The following TENM3 variants were observed in gnomAD, a reference collection of about 807,000 sequenced individuals.
TENM3 encodes the protein teneurin-3.
In TENM3, 63 loss-of-function variants were observed where a neutral mutation model predicts 255.1. That is an observed-to-expected ratio of 0.25 (90% CI 0.20 to 0.30). The LOEUF is 0.30. Ranked by LOEUF, TENM3 falls within the 10% of genes least tolerant of loss-of-function variation. The pLI, the probability that TENM3 is intolerant of heterozygous loss-of-function variation, is 1.00. For synonymous variants in TENM3, 1,306 were observed against 1,322.3 expected, an observed-to-expected ratio of 0.99 and a Z score of 0.27; for missense variants, 2,929 against 3,461.1, an observed-to-expected ratio of 0.85 and a Z score of 3.86.
At chr4:182,769,526 G>C (rs1579424945) in intron 22 of TENM3, among the ~76,000 whole-genome samples, 1 of 152,118 alleles carries the variant, frequency 6.6e-6, no homozygotes, top group Non-Finnish European at 1.5e-5. Context: ...GCTCACGCCT[G>C]TAATCCCAGC....
intron 13 of TENM3, among the ~76,000 whole-genome samples, chr4:182,722,812 G>C (rs1759850714): frequency 6.6e-6 from 1 of 152,186 alleles, no homozygotes; most frequent in South Asian, 2.1e-4. Flanking sequence ...GGACCATGGT[G>C]GCCTGATGGA....
chr4:182,744,375 C>T (rs532588084), intron 19 of TENM3, among the ~76,000 whole-genome samples: 13 of 152,108 alleles, frequency 8.5e-5, no homozygotes, highest in African/African-American at 2.4e-4. Context: ...AAATCTTTCT[C>T]AGTTGGTTCA....
intron 3 of TENM3, among the ~76,000 whole-genome samples, chr4:182,465,077 G>A (rs1257718420): frequency 6.6e-6 from 1 of 152,116 alleles, no homozygotes; most frequent in East Asian, 1.9e-4. Context: ...AGGGTATGTT[G>A]ATTAATAACT....
chr4:182,442,126 T>G lies in TENM3; in HGVS notation c.511+95197T>G, dbSNP rs1298181624. On this transcript the variant is annotated intron_variant, in intron 3 of 27. Coordinates refer to ENST00000511685, the MANE Select transcript of TENM3 (RefSeq NM_001080477.4). ...ATTGGTCAGCTAAAATGCAGAGGTA[T>G]GGAGCATGTACTTCCTCTATCCACA... Among the ~76,000 whole-genome samples the G allele has an allele frequency of 3.3e-5, 5 of 152,174 alleles. No homozygotes were observed. In the East Asian group the frequency reaches 9.6e-4, roughly 29 times the overall value.
intron 22 of TENM3, among the ~76,000 whole-genome samples, chr4:182,761,083 A>T (rs943695393): frequency 2.0e-5 from 3 of 152,178 alleles, no homozygotes; most frequent in Admixed American, 6.5e-5. Flanking sequence ...TGTTCTCCTT[A>T]CAAAAGTGAC....
chr4:181,838,846 A>T, the TENM3 span, among the ~76,000 whole-genome samples: 27 of 151,012 alleles, frequency 1.8e-4, no homozygotes, highest in Non-Finnish European at 3.3e-4. Flanking sequence ...GGCTTTATTG[A>T]TTCTCTCCTT....
intron 16 of TENM3, 124 bp downstream of exon 16, chr4:182,731,263 T>G: frequency 4.3e-6 from 4 of 924,640 alleles, no homozygotes; most frequent in Non-Finnish European, 6.4e-6. Context: ...CCCAGCGCTT[T>G]GGGAGGCCGA....
intron 5 of TENM3, among the ~76,000 whole-genome samples, chr4:182,647,689 T>G (rs2152504052): frequency 6.6e-6 from 1 of 152,258 alleles, no homozygotes; most frequent in Non-Finnish European, 1.5e-5. Flanking sequence ...AGAACATGAG[T>G]GTGTAAGTAT....
rs113729361 is a variant in TENM3, at chr4:182,145,618, A to G, written c.-76+864A>G. On this transcript the variant is annotated intron_variant, in intron 1 of 2. Transcript: ENST00000512480. ...TTTTTATTGTAGAGAGAGGGTAACA[A>G]GTACTTGTACCGTGTAATACATCAC... is the stretch of plus-strand genomic sequence containing the variant. Among the ~76,000 whole-genome samples the G allele has an allele frequency of 9.9e-3, 1,507 of 152,284 alleles. 8 individuals are homozygous for G. The highest frequency in any genetic ancestry group is 0.014 in the Non-Finnish European group (976 of 68,026).
At chr4:181,967,016 T>G in the TENM3 span, among the ~76,000 whole-genome samples, 1 of 152,020 alleles carries the variant, frequency 6.6e-6, no homozygotes, top group Non-Finnish European at 1.5e-5. Context: ...GCTCTCTCTC[T>G]CTCTCTCTAG....
the TENM3 span, among the ~76,000 whole-genome samples, chr4:181,546,584 GA>G: frequency 7.1e-6 from 1 of 141,482 alleles, no homozygotes; most frequent in Non-Finnish European, 1.5e-5. Flanking sequence ...CGTGGTGGCG[GA>G]CGCCTGTAGT....
At chr4:181,935,531 C>T in the TENM3 span, among the ~76,000 whole-genome samples, 5 of 152,202 alleles carry the variant, frequency 3.3e-5, no homozygotes, top group African/African-American at 9.7e-5. Flanking sequence ...TCTCTCTGCC[C>T]AGCTACCGGG....
At chr4:182,190,128 T>TA (rs1189462642) in intron 1 of TENM3, 3 of 152,232 alleles carry the variant, frequency 2.0e-5, no homozygotes, top group African/African-American at 7.2e-5. Flanking sequence ...AAATTGTTAA[T>TA]AAATTGGAGT....
At chr4:181,917,958 G>A in the TENM3 span, among the ~76,000 whole-genome samples, 5 of 151,896 alleles carry the variant, frequency 3.3e-5, no homozygotes, top group South Asian at 2.1e-4. Context: ...CACCGTGCCC[G>A]GCCTGTTCCT....
chr4:182,238,551 G>A (rs1437076378), upstream of TENM3, among the ~76,000 whole-genome samples: 1 of 152,146 alleles, frequency 6.6e-6, no homozygotes, highest in Non-Finnish European at 1.5e-5. Context: ...TAGCAGGGGT[G>A]CTCTATTAGG....
the TENM3 span, among the ~76,000 whole-genome samples, chr4:181,977,896 G>A: frequency 6.6e-6 from 1 of 152,180 alleles, no homozygotes; most frequent in Non-Finnish European, 1.5e-5. Flanking sequence ...CAAGCTCTTG[G>A]TTGAAGAGGA....
chr4:181,639,132 A>T, the TENM3 span, among the ~76,000 whole-genome samples: 1 of 152,194 alleles, frequency 6.6e-6, no homozygotes, highest in Non-Finnish European at 1.5e-5. Flanking sequence ...CATAGCAGAA[A>T]GTTCTTCTGG....
intron 1 of TENM3, among the ~76,000 whole-genome samples, chr4:182,228,671 C>G (rs191680539): frequency 2.6e-5 from 4 of 151,962 alleles, no homozygotes; most frequent in Admixed American, 2.6e-4. Context: ...CAAGAAAGTT[C>G]GTTAAGAATG....
intron 4 of TENM3, among the ~76,000 whole-genome samples, chr4:182,624,802 A>C (rs186726733): frequency 2.0e-5 from 3 of 152,222 alleles, no homozygotes; most frequent in Middle Eastern, 3.2e-3. Flanking sequence ...GAAACACAGA[A>C]AGGGAAAAAA....
Sources: allele counts gnomAD v4.1 joint callset (sites outside exome capture counted in the v4.1 genomes callset), GRCh38; gene constraint gnomAD v4.1.1; transcripts MANE v1.5; gene names NCBI Gene and HGNC (gene_info 2026-07-23, HGNC 2026-07-21).